The following ESRRG variants were observed in gnomAD, a reference collection of about 807,000 sequenced individuals.
The protein encoded by ESRRG is estrogen related receptor gamma.
In ESRRG, 13 loss-of-function variants were observed where a neutral mutation model predicts 44.0. That is an observed-to-expected ratio of 0.30 (90% CI 0.19 to 0.47). The LOEUF is 0.47. ESRRG is among the 20% of genes least tolerant of loss of function. The pLI is 1.00. For synonymous variants in ESRRG, 215 were observed against 214.6 expected, an observed-to-expected ratio of 1.00 and a Z score of -0.02; for missense variants, 395 against 580.6, an observed-to-expected ratio of 0.68 and a Z score of 3.29.
intron 2 of ESRRG, among the ~76,000 whole-genome samples, chr1:216,884,202 C>A (rs1559980126): frequency 6.6e-6 from 1 of 152,158 alleles, no homozygotes; most frequent in South Asian, 2.1e-4. Context: ...TACACTGAAA[C>A]ATAAATCTCC....
intron 2 of ESRRG, among the ~76,000 whole-genome samples, chr1:216,896,883 C>A (rs531577497): frequency 3.9e-4 from 60 of 152,298 alleles, no homozygotes; most frequent in Middle Eastern, 3.4e-3. Flanking sequence ...TTTTAACAAG[C>A]AGCAGCGTAT....
chr1:217,122,928 G>T (rs529692073), intron 1 of ESRRG, among the ~76,000 whole-genome samples: 1 of 151,886 alleles, frequency 6.6e-6, no homozygotes, highest in African/African-American at 2.4e-5. Context: ...CAGACCTCAG[G>T]TTATCCGCCT....
chr1:216,802,638 T>C (rs2094659457), intron 2 of ESRRG, among the ~76,000 whole-genome samples: 1 of 152,154 alleles, frequency 6.6e-6, no homozygotes, highest in Admixed American at 6.5e-5. Context: ...CCTGTGTGAC[T>C]GCACAGGTGA....
intron 1 of ESRRG, among the ~76,000 whole-genome samples, chr1:217,038,823 T>C (rs1374289267): frequency 6.6e-6 from 1 of 152,218 alleles, no homozygotes; most frequent in Admixed American, 6.5e-5. Context: ...CCCCAGAAAA[T>C]GGGATTTTCC....
chr1:216,759,442 A>G (rs367835892), intron 2 of ESRRG, among the ~76,000 whole-genome samples: 1 of 152,044 alleles, frequency 6.6e-6, no homozygotes, highest in African/African-American at 2.4e-5. Context: ...CACCCACCAC[A>G]TGGTTTTCCC....
intron 2 of ESRRG, among the ~76,000 whole-genome samples, chr1:216,832,537 C>G (rs1223136092): frequency 6.6e-6 from 1 of 152,160 alleles, no homozygotes; most frequent in African/African-American, 2.4e-5. Context: ...CAACTCTGAA[C>G]GAAACCCTGC....
Position 216,892,868 on chromosome 1 carries a change from C to T in ESRRG, c.-14+46714G>A, listed in dbSNP as rs143257980. The stretch of plus-strand genomic sequence containing the variant: ...AACCAGAATAAAAGCCCAACTCCTC[C>T]CCTCACTCTTTGCGTTCTTAATATA... On this transcript the variant is annotated intron_variant, in intron 2 of 7. Transcript: ENST00000359162. Among the ~76,000 whole-genome samples, 412 of 152,180 alleles carry T rather than the reference C, an allele frequency of 2.7e-3. 1 individual carries two copies. The highest frequency in any genetic ancestry group is 4.6e-3 in the Non-Finnish European group (314 of 68,012).
intron 2 of ESRRG, among the ~76,000 whole-genome samples, chr1:216,748,165 C>A (rs960814936): frequency 1.3e-5 from 2 of 151,784 alleles, no homozygotes; most frequent in African/African-American, 4.8e-5. Context: ...AGTGGACTCT[C>A]AATTCACTTG....
intron 2 of ESRRG, among the ~76,000 whole-genome samples, chr1:216,654,329 TAAAAATAGA>T (rs964992708): frequency 1.3e-5 from 2 of 151,720 alleles, no homozygotes; most frequent in African/African-American, 4.8e-5. Flanking sequence ...CAAATAACTT[TAAAAATAGA>T]AGAAAAAGCC....
At chr1:216,895,116 A>G (rs1323369664) in intron 2 of ESRRG, among the ~76,000 whole-genome samples, 1 of 152,150 alleles carries the variant, frequency 6.6e-6, no homozygotes, top group Non-Finnish European at 1.5e-5. Context: ...ATAGACATCC[A>G]TATTAGTTTT....
rs568628777 is a variant in ESRRG at position 216,788,345 on chromosome 1, T to C, written c.-13-110854A>G. 8.5e-5 allele frequency among the ~76,000 whole-genome samples: 13 copies of C among 152,258 alleles called. No individual in the cohort carries two copies. The South Asian group carries it at 2.7e-3, about 32-fold the overall frequency. Reference sequence around the variant, plus strand: ...AAGTTGAAGCCAGTGCTCATGTACCTTTCTGAAAATCCTAGGGCCCTTAAG... The same window carrying C: ...AAGTTGAAGCCAGTGCTCATGTACCCTTCTGAAAATCCTAGGGCCCTTAAG... On this transcript the variant is annotated intron_variant, in intron 2 of 7. Transcript: ENST00000359162.
chr1:216,666,980 T>C (rs1225325557), intron 2 of ESRRG, among the ~76,000 whole-genome samples: 1 of 152,184 alleles, frequency 6.6e-6, no homozygotes, highest in Non-Finnish European at 1.5e-5. Flanking sequence ...CAAGGGCTTC[T>C]TTTCCATAAG....
intron 1 of ESRRG, among the ~76,000 whole-genome samples, chr1:217,021,049 T>TACACACACACACACACACAC (rs10655764): frequency 1.4e-5 from 2 of 145,438 alleles, no homozygotes; most frequent in African/African-American, 2.5e-5. Flanking sequence ...CTGCCATGCA[T>TACACACACACACACACACAC]ACACACACAC....
intron 1 of ESRRG, among the ~76,000 whole-genome samples, chr1:217,029,396 C>A (rs376516441): frequency 6.6e-6 from 1 of 152,198 alleles, no homozygotes; most frequent in Admixed American, 6.5e-5. Context: ...AGCAGGCCCA[C>A]GGCTGCTGTT....
At position 216,592,756 on chromosome 1, in the gene ESRRG, T is replaced by C. The variant is rs185267296; in HGVS notation, c.590-24658A>G. 3.9e-5 allele frequency among the ~76,000 whole-genome samples: 6 copies of C among 152,260 alleles called. 1 individual carries two copies. In the East Asian group the frequency reaches 1.2e-3, roughly 29 times the overall value. ...CTCAGGTGATCTGTCCACCTCGGCCTCCCAAAGTGCTGGAATTACAGGCGT... is the reference window on the plus strand; with the variant it reads ...CTCAGGTGATCTGTCCACCTCGGCCCCCCAAAGTGCTGGAATTACAGGCGT... On this transcript the variant is annotated intron_variant, in intron 3 of 6. Coordinates refer to ENST00000408911, the MANE Select transcript of ESRRG (RefSeq NM_001438.4).
chr1:216,721,189 A>C (rs2086188745), intron 1 of ESRRG, among the ~76,000 whole-genome samples: 1 of 152,238 alleles, frequency 6.6e-6, no homozygotes, highest in African/African-American at 2.4e-5. Flanking sequence ...TAACATTTTA[A>C]GCTCTCTTAA....
At chr1:217,070,542 G>T (rs1439383237) in intron 1 of ESRRG, among the ~76,000 whole-genome samples, 2 of 152,070 alleles carry the variant, frequency 1.3e-5, no homozygotes, top group African/African-American at 2.4e-5. Context: ...CACCAGGTCT[G>T]GCTAATTTTT....
chr1:217,105,652 C>T (rs2092583106), intron 1 of ESRRG, among the ~76,000 whole-genome samples: 1 of 152,166 alleles, frequency 6.6e-6, no homozygotes, highest in South Asian at 2.1e-4. Flanking sequence ...ATGCTGACTC[C>T]TGTAGGAGCG....
At chr1:216,870,843 T>C (rs2096250191) in intron 2 of ESRRG, among the ~76,000 whole-genome samples, 1 of 152,016 alleles carries the variant, frequency 6.6e-6, no homozygotes, top group Non-Finnish European at 1.5e-5. Flanking sequence ...ATATCCCCTA[T>C]TTATTCCTGA....
Sources: allele counts gnomAD v4.1 joint callset (sites outside exome capture counted in the v4.1 genomes callset), GRCh38; gene constraint gnomAD v4.1.1; transcripts MANE v1.5; gene names NCBI Gene and HGNC (gene_info 2026-07-23, HGNC 2026-07-21).